PPP4R3A: variants seen among roughly 807,000 people sequenced by gnomAD.
PPP4R3A encodes the protein serine/threonine-protein phosphatase 4 regulatory subunit 3A.
PPP4R3A carries 15 observed loss-of-function variants against 91.7 expected under a neutral mutation model. That is an observed-to-expected ratio of 0.16 (90% CI 0.11 to 0.25). PPP4R3A has a LOEUF of 0.25. PPP4R3A is among the 10% of genes least tolerant of loss of function. The pLI, the probability that PPP4R3A is intolerant of heterozygous loss-of-function variation, is 1.00. For missense variants in PPP4R3A, 623 were observed against 998.4 expected (o/e 0.62, Z 5.07); for synonymous variants, 377 against 348.7 (o/e 1.08, Z -0.91).
At chr14:91,486,924 ATAG>A (rs1889924615) in intron 2 of PPP4R3A, among the ~76,000 whole-genome samples, 2 of 148,404 alleles carry the variant, frequency 1.3e-5, no homozygotes. Flanking sequence ...AAAAAAAAAA[ATAG>A]AGAGTCAAAA....
intron 1 of PPP4R3A, among the ~76,000 whole-genome samples, chr14:91,492,161 T>C (rs1890264417): frequency 1.3e-5 from 2 of 152,220 alleles, no homozygotes; most frequent in East Asian, 3.8e-4. Flanking sequence ...AAATCTCTTA[T>C]ATATTGTATG....
intron 2 of PPP4R3A, among the ~76,000 whole-genome samples, 189 bp downstream of exon 2, chr14:91,490,558 G>A (rs927966192): frequency 3.3e-5 from 5 of 151,800 alleles, no homozygotes; most frequent in Admixed American, 6.6e-5. Context: ...ATTTTAACTT[G>A]TGGCAAGCTT....
chr14:91,476,674 TC>T (rs1331399556), intron 5 of PPP4R3A, 150 bp from the exon 6 acceptor site: 1 of 678,418 alleles, frequency 1.5e-6, no homozygotes, highest in African/African-American at 1.8e-5. Context: ...CAAGCGATTC[TC>T]CTGCCTCAGC....
chr14:91,478,795 G>T (rs1212867738), intron 4 of PPP4R3A, among the ~76,000 whole-genome samples: 1 of 152,122 alleles, frequency 6.6e-6, no homozygotes, highest in African/African-American at 2.4e-5. Flanking sequence ...TTCTAAACAG[G>T]AACAGACATG....
intron 13 of PPP4R3A, 39 bp downstream of exon 13, chr14:91,462,010 A>C (rs1888190327): frequency 6.9e-7 from 1 of 1,457,444 alleles, no homozygotes. Flanking sequence ...TAGAGTAAGA[A>C]AGCCTTAATT....
intron 3 of PPP4R3A, among the ~76,000 whole-genome samples, chr14:91,482,658 A>G (rs1322181688): frequency 3.9e-5 from 6 of 152,222 alleles, no homozygotes; most frequent in East Asian, 1.9e-4. Context: ...AAGACCAAAT[A>G]AACACCAAAT....
chr14:91,509,145 A>T (rs757323401), intron 1 of PPP4R3A, among the ~76,000 whole-genome samples: 6 of 152,238 alleles, frequency 3.9e-5, no homozygotes, highest in Non-Finnish European at 8.8e-5. Context: ...GAACTAAGGC[A>T]GCAGATCGGA....
chr14:91,502,534 A>C (rs1445134941), intron 1 of PPP4R3A, among the ~76,000 whole-genome samples: 2 of 152,126 alleles, frequency 1.3e-5, no homozygotes, highest in African/African-American at 4.8e-5. Context: ...CTACTGACTG[A>C]TCTGTTCATT....
chr14:91,490,469 C>T (rs1179292663), intron 2 of PPP4R3A, among the ~76,000 whole-genome samples: 1 of 150,600 alleles, frequency 6.6e-6, no homozygotes, highest in Admixed American at 6.7e-5. Flanking sequence ...CTTATCACAT[C>T]AATGGTCACC....
chr14:91,464,610 G>T (rs1037288157), intron 11 of PPP4R3A, among the ~76,000 whole-genome samples: 4 of 152,014 alleles, frequency 2.6e-5, no homozygotes, highest in African/African-American at 9.7e-5. Context: ...AAAAAGCCAT[G>T]CCAGATAAAT....
intron 10 of PPP4R3A, 92 bp from the exon 11 acceptor site, chr14:91,465,511 C>A: frequency 5.5e-6 from 6 of 1,084,926 alleles, no homozygotes; most frequent in South Asian, 2.2e-5. Context: ...CCAAAAAAAA[C>A]TGTTTAACAC....
In PPP4R3A at chr14:91,510,017, G is replaced by GCGCCGCCGCCGCCTCCTCAGGCCGC. The variant is rs1258412184; in HGVS notation, c.-395_-371dup. On this transcript the variant is annotated 5_prime_UTR_variant, in exon 1 of 15. Coordinates refer to ENST00000554943, the MANE Select transcript of PPP4R3A (RefSeq NM_001366432.2). ...CATGATCTCCGCGAAGCAGCTTCCC[G>GCGCCGCCGCCGCCTCCTCAGGCCGC]CGCCGCCGCCGCCTCCTCAGGCCGC... The GCGCCGCCGCCGCCTCCTCAGGCCGC allele has an allele frequency of 8.6e-6, 8 of 930,140 alleles. No homozygotes were observed. The African/African-American group carries it at 1.1e-4, about 12-fold the overall frequency. The allele number at this position is 930,140 out of a possible 1,614,324, so 57.6% of individuals were successfully genotyped here. A position where few individuals can be genotyped will look rare whatever the true frequency, so the allele number is the denominator to read the frequency against.
At chr14:91,499,078 C>G (rs574003436) in intron 1 of PPP4R3A, among the ~76,000 whole-genome samples, 2 of 151,772 alleles carry the variant, frequency 1.3e-5, no homozygotes, top group African/African-American at 4.8e-5. Flanking sequence ...TGAGCCACCA[C>G]GCCCAGCTGA....
intron 11 of PPP4R3A, 58 bp from the exon 12 acceptor site, chr14:91,462,935 G>C (rs1888248446): frequency 3.1e-6 from 4 of 1,308,224 alleles, no homozygotes; most frequent in Non-Finnish European, 4.2e-6. Flanking sequence ...AGCAAGATGA[G>C]GCTTAATTTA....
At chr14:91,507,893 G>A (rs1368433311) in intron 1 of PPP4R3A, among the ~76,000 whole-genome samples, 2 of 151,940 alleles carry the variant, frequency 1.3e-5, no homozygotes, top group African/African-American at 2.4e-5. Flanking sequence ...AGGCCGAGGC[G>A]GGTGGACTGC....
rs1271160696 is a variant in PPP4R3A at position 91,457,996 on chromosome 14, CACA to C, written c.*760_*762del. On this transcript the variant is annotated 3_prime_UTR_variant, in exon 15 of 15. Transcript: ENST00000554943. ...TTACACATGGTAAAACAGGTACCAG[CACA>C]ACGTTAGGTTATATTACATCAAAAA... 6.6e-6 allele frequency: 1 copy of C among 152,200 alleles called. No homozygotes were observed. Among genetic ancestry groups the C allele is most frequent in the Admixed American group, 6.6e-5 (1 of 15,246 alleles). The allele number at this position is 152,200 out of a possible 1,614,324, so 9.4% of individuals were successfully genotyped here.
intron 3 of PPP4R3A, among the ~76,000 whole-genome samples, chr14:91,482,491 G>A (rs1889631313): frequency 6.6e-6 from 1 of 152,046 alleles, no homozygotes; most frequent in Non-Finnish European, 1.5e-5. Context: ...GCCCTCTGCA[G>A]ACCCACAACA....
intron 13 of PPP4R3A, among the ~76,000 whole-genome samples, 155 bp downstream of exon 13, chr14:91,461,894 C>CA (rs1171049914): frequency 1.3e-5 from 2 of 152,184 alleles, no homozygotes; most frequent in Admixed American, 6.5e-5. Context: ...TATGCCTACA[C>CA]AACACTGCTA....
chr14:91,465,840 T>C (rs1281804425), intron 10 of PPP4R3A, among the ~76,000 whole-genome samples: 1 of 152,210 alleles, frequency 6.6e-6, no homozygotes. Flanking sequence ...TAATTTGATC[T>C]TCAATATTTT....
Sources: gnomAD v4.1 joint callset for allele counts (sites outside exome capture counted in the v4.1 genomes callset) on GRCh38, gnomAD v4.1.1 for gene constraint, MANE v1.5 for transcripts, NCBI Gene and HGNC (gene_info 2026-07-23, HGNC 2026-07-21) for gene names.